Variants in SEC14L5 observed in about 807,000 individuals in gnomAD.
SEC14L5 encodes SEC14 like lipid binding 5, also known as SEC14-like protein 5.
Under a neutral mutation model 84.6 loss-of-function variants are expected in SEC14L5, and 96 were observed. The ratio of observed to expected loss-of-function variants is 1.13; its 90% CI spans 0.96 to 1.34. SEC14L5 has a LOEUF of 1.34. Ranked by LOEUF, SEC14L5 falls within the 40% of genes most tolerant of loss-of-function variation. The pLI is 0.00. For missense variants in SEC14L5, 1,224 were observed against 942.5 expected (o/e 1.30, Z -3.91); for synonymous variants, 546 against 383.4 (o/e 1.42, Z -4.95).
intron 10 of SEC14L5, among the ~76,000 whole-genome samples, chr16:5,002,189 C>T (rs1955684685): frequency 6.6e-6 from 1 of 152,236 alleles, no homozygotes; most frequent in African/African-American, 2.4e-5. Flanking sequence ...TTCATTTCCT[C>T]CTCCTAAACA....
chr16:5,000,617 T>C (rs900517660), intron 8 of SEC14L5, 38 bp from the exon 9 acceptor site: 1 of 1,485,040 alleles, frequency 6.7e-7, no homozygotes, highest in African/African-American at 1.4e-5. Flanking sequence ...GTCCTCTAAA[T>C]AACGGGCTCT....
chr16:5,013,290 C>G (rs1254314238), intron 15 of SEC14L5, among the ~76,000 whole-genome samples: 1 of 152,158 alleles, frequency 6.6e-6, no homozygotes, highest in Non-Finnish European at 1.5e-5. Context: ...CGGGCCTGGC[C>G]TAGGGTTGGG....
intron 6 of SEC14L5, 27 bp downstream of exon 6, chr16:4,992,057 G>C: frequency 2.1e-6 from 3 of 1,447,104 alleles, no homozygotes; most frequent in Non-Finnish European, 1.8e-6. Context: ...AGGCCAGTCA[G>C]CCCTAGGAGG....
intron 2 of SEC14L5, among the ~76,000 whole-genome samples, chr16:4,969,079 C>T (rs572632213): frequency 1.2e-4 from 19 of 152,384 alleles, no homozygotes; most frequent in Admixed American, 3.9e-4. Context: ...AGCCTGTCAT[C>T]TGATCCTGTT....
intron 8 of SEC14L5, among the ~76,000 whole-genome samples, chr16:4,997,733 C>T (rs1352298625): frequency 2.0e-5 from 3 of 152,170 alleles, no homozygotes; most frequent in Admixed American, 2.0e-4. Flanking sequence ...CAAGGCGTCA[C>T]CAGGGCCGTG....
At chr16:5,014,825 A>C (rs747713158) in intron 15 of SEC14L5, 34 bp from the exon 16 acceptor site, 2 of 1,537,450 alleles carry the variant, frequency 1.3e-6, no homozygotes, top group Non-Finnish European at 1.8e-6. Context: ...TGTCACTGTG[A>C]GAGGGTAACG....
At chr16:4,992,893 T>C (rs562581534) in intron 6 of SEC14L5, among the ~76,000 whole-genome samples, 16 of 152,250 alleles carry the variant, frequency 1.1e-4, no homozygotes, top group Non-Finnish European at 2.2e-4. Flanking sequence ...TGTCTTATGT[T>C]GAATACGTGA....
intron 4 of SEC14L5, among the ~76,000 whole-genome samples, chr16:4,988,614 C>A (rs889213368): frequency 6.6e-6 from 1 of 151,926 alleles, no homozygotes. Context: ...CCCTCCTTTC[C>A]TTCCTTCTTT....
At chr16:5,014,167 G>C (rs1045574012) in intron 15 of SEC14L5, among the ~76,000 whole-genome samples, 2 of 152,222 alleles carry the variant, frequency 1.3e-5, no homozygotes, top group East Asian at 3.8e-4. Flanking sequence ...TGCCTCAGTC[G>C]CATGGGCCAC....
intron 12 of SEC14L5, 104 bp downstream of exon 12, chr16:5,006,152 G>C: frequency 1.6e-6 from 2 of 1,228,480 alleles, no homozygotes; most frequent in Non-Finnish European, 2.3e-6. Context: ...AGGGGGGCTG[G>C]GTGCGGCATG....
intron 14 of SEC14L5, chr16:5,010,759 A>C: frequency 3.5e-6 from 1 of 286,234 alleles, no homozygotes. Flanking sequence ...TCCCTTTCCT[A>C]ATCCCCTTGG....
At chr16:4,995,822 C>T (rs892271484) in intron 6 of SEC14L5, among the ~76,000 whole-genome samples, 2 of 152,018 alleles carry the variant, frequency 1.3e-5, no homozygotes, top group African/African-American at 4.8e-5. Context: ...GACTGGGTTT[C>T]ACCATGTTGG....
intron 2 of SEC14L5, among the ~76,000 whole-genome samples, chr16:4,986,852 A>G (rs932491657): frequency 6.6e-6 from 1 of 152,204 alleles, no homozygotes; most frequent in African/African-American, 2.4e-5. Context: ...TAGAAATACA[A>G]CTGATTTTTC....
rs1955877868 is a variant in SEC14L5, at chr16:5,016,643, A to G, written c.*1673A>G. On this transcript the variant is annotated 3_prime_UTR_variant, in exon 16 of 16. Coordinates refer to ENST00000251170, the MANE Select transcript of SEC14L5 (RefSeq NM_014692.2). Reference sequence around the variant, plus strand: ...CTGGCCTTGCTTAGAGTTGGGGCTCATCTCTGCTGCAGTAACTGAGCCAAG... The same window carrying G: ...CTGGCCTTGCTTAGAGTTGGGGCTCGTCTCTGCTGCAGTAACTGAGCCAAG... 1 of 152,190 alleles carries G rather than the reference A, an allele frequency of 6.6e-6. No homozygotes were observed. Among genetic ancestry groups the G allele is most frequent in the South Asian group, 2.1e-4 (1 of 4,828 alleles). The allele number at this position is 152,190 out of a possible 1,614,324, so 9.4% of individuals were successfully genotyped here.
At chr16:4,998,885 T>G (rs968515738) in intron 8 of SEC14L5, among the ~76,000 whole-genome samples, 3 of 152,162 alleles carry the variant, frequency 2.0e-5, no homozygotes, top group Admixed American at 2.0e-4. Context: ...TGAACTCCCC[T>G]TATTGCTGAA....
chr16:4,972,735 T>TC (rs57678998), intron 2 of SEC14L5, among the ~76,000 whole-genome samples: 3,258 of 152,364 alleles, frequency 0.021, 105 homozygotes, highest in African/African-American at 0.074. Flanking sequence ...TCTGTTCATC[T>TC]GTTGATGGAC....
In SEC14L5 at chr16:4,988,397, G is replaced by A. The variant is rs373834602; in HGVS notation, c.345+117G>A. On this transcript the variant is annotated intron_variant, in intron 4 of 15. Transcript: ENST00000251170. ...GCCTCTGCCAAGCCCTCCCTCCTGGGGCATTGTCAAGAAAGATGCAGGATG... is the reference window on the plus strand; with the variant it reads ...GCCTCTGCCAAGCCCTCCCTCCTGGAGCATTGTCAAGAAAGATGCAGGATG... 1.9e-5 allele frequency: 25 copies of A among 1,319,538 alleles called. No individual in the cohort carries two copies. In the African/African-American group the frequency reaches 3.4e-4, roughly 18 times the overall value. 81.7% of individuals were successfully genotyped at this position (1,319,538 alleles called of 1,614,324 possible).
At chr16:5,006,078 G>C (rs1460937702) in intron 12 of SEC14L5, 30 bp downstream of exon 12, 1 of 1,609,864 alleles carries the variant, frequency 6.2e-7, no homozygotes, top group Admixed American at 1.7e-5. Flanking sequence ...AGACAGACCT[G>C]GGCTTGAGGA....
chr16:5,006,938 T>A (rs1955738323), intron 12 of SEC14L5, among the ~76,000 whole-genome samples: 1 of 152,008 alleles, frequency 6.6e-6, no homozygotes, highest in Admixed American at 6.6e-5. Flanking sequence ...ATGAGCACGG[T>A]GCAGTGACTG....
Sources: allele counts gnomAD v4.1 joint callset (sites outside exome capture counted in the v4.1 genomes callset), GRCh38; gene constraint gnomAD v4.1.1; transcripts MANE v1.5; gene names NCBI Gene and HGNC (gene_info 2026-07-23, HGNC 2026-07-21).